DMKN: variants seen among roughly 807,000 people sequenced by gnomAD.
The protein encoded by DMKN is dermokine, also known as epidermis-specific secreted protein SK30/SK89.
In DMKN, 58 loss-of-function variants were observed where a neutral mutation model predicts 67.6. The ratio of observed to expected loss-of-function variants is 0.86; its 90% CI spans 0.69 to 1.07. The LOEUF (loss-of-function observed/expected upper bound fraction) is 1.07. DMKN is among the 50% of genes least tolerant of loss of function. DMKN has a pLI of 0.00. For synonymous variants in DMKN, 240 were observed against 232.3 expected (o/e 1.03, Z -0.30); for missense variants, 596 against 601.5 (o/e 0.99, Z 0.10).
Position 35,513,378 on chromosome 19 carries a change from G to C in DMKN, c.98C>G (p.Thr33Arg). 4 of 1,612,176 alleles carry C rather than the reference G, an allele frequency of 2.5e-6. No homozygotes were observed. Among genetic ancestry groups the C allele is most frequent in the Non-Finnish European group, 3.4e-6 (4 of 1,179,998 alleles). The change falls in exon 1 of 16, where the codon ACA becomes AGA. Residue 33 changes from threonine to arginine, a missense_variant. Thr to Arg is a moderately conservative substitution (Grantham distance 71). Coordinates refer to ENST00000339686, the MANE Select transcript of DMKN (RefSeq NM_033317.5). ...ATGTCCAAGGGCCTCCCCAATATTT[G>C]TCCCAGTGCTTTCCTCTCCGCTCTG... The part of the protein sequence containing the change: ...PLQSGEESTG[T>R]NIGEALGHGL...
At chr19:35,501,272 A>C (rs956217032) in intron 11 of DMKN, among the ~76,000 whole-genome samples, 2 of 152,196 alleles carry the variant, frequency 1.3e-5, no homozygotes, top group African/African-American at 4.8e-5. Context: ...TGCCTTATCC[A>C]TACCTGACCT....
Position 35,513,576 on chromosome 19 carries a change from C to T in DMKN, c.-101G>A, listed in dbSNP as rs1034719107. 3 of 1,407,604 alleles carry T rather than the reference C, an allele frequency of 2.1e-6. No homozygotes were observed. Among genetic ancestry groups the T allele is most frequent in the African/African-American group, 1.4e-5 (1 of 69,372 alleles). 87.2% of individuals were successfully genotyped at this position (1,407,604 alleles called of 1,614,324 possible). A position where few individuals can be genotyped will look rare whatever the true frequency, so the allele number is the denominator to read the frequency against. On this transcript the variant is annotated 5_prime_UTR_variant, in exon 1 of 16. Coordinates refer to ENST00000339686, the MANE Select transcript of DMKN (RefSeq NM_033317.5). ...CTCTGTGCCCTCCTCTGTCCTCCTC[C>T]TTCCGACTCCCTGTCCTCCCTCCCT...
At chr19:35,503,815 C>T (rs538346963) in intron 9 of DMKN, among the ~76,000 whole-genome samples, 2 of 152,236 alleles carry the variant, frequency 1.3e-5, no homozygotes, top group Non-Finnish European at 2.9e-5. Context: ...AATAGGAATT[C>T]CAGGGCATTG....
intron 11 of DMKN, chr19:35,501,927 C>G: frequency 6.4e-7 from 1 of 1,561,646 alleles, no homozygotes; most frequent in South Asian, 1.2e-5. Context: ...CCCCAGCCCT[C>G]GGCCTCGGCT....
intron 13 of DMKN, chr19:35,499,241 A>G: frequency 2.8e-6 from 1 of 353,048 alleles, no homozygotes; most frequent in Non-Finnish European, 5.2e-6. Flanking sequence ...GCAGAGTGGA[A>G]GCCACAGGCA....
chr19:35,506,271 TC>T, intron 7 of DMKN: 1 of 1,360,534 alleles, frequency 7.4e-7, no homozygotes, highest in Non-Finnish European at 9.7e-7. Context: ...GATTGCTTCA[TC>T]CCCACCTCGG....
chr19:35,510,671 A>G (rs2070590627), intron 5 of DMKN, among the ~76,000 whole-genome samples: 1 of 152,106 alleles, frequency 6.6e-6, no homozygotes, highest in South Asian at 2.1e-4. Flanking sequence ...TCATACGGGG[A>G]GCGGCGCATG....
intron 3 of DMKN, 106 bp from the exon 4 acceptor site, chr19:35,511,919 C>CT: frequency 7.7e-7 from 1 of 1,306,900 alleles, no homozygotes; most frequent in Non-Finnish European, 1.0e-6. Flanking sequence ...GCTTGGCTTC[C>CT]TTTCTCCTAA....
chr19:35,512,962 T>G, intron 1 of DMKN, 88 bp downstream of exon 1: 6 of 1,568,700 alleles, frequency 3.8e-6, no homozygotes, highest in African/African-American at 2.7e-5. Flanking sequence ...AAGTAAGAGA[T>G]CCATCCATCC....
intron 1 of DMKN, 126 bp from the exon 2 acceptor site, chr19:35,512,916 G>T: frequency 6.6e-7 from 1 of 1,510,296 alleles, no homozygotes. Context: ...ATAGGAGGGG[G>T]GCAGAACATA....
intron 10 of DMKN, among the ~76,000 whole-genome samples, chr19:35,502,611 G>A (rs1214009738): frequency 6.6e-6 from 1 of 152,146 alleles, no homozygotes; most frequent in Non-Finnish European, 1.5e-5. Flanking sequence ...GGCTGAGGCA[G>A]GAGAATGGCG....
At chr19:35,510,489 T>G in intron 5 of DMKN, 2 of 1,550,730 alleles carry the variant, frequency 1.3e-6, no homozygotes, top group Non-Finnish European at 1.7e-6. Context: ...GAACCTGAGC[T>G]GCTGCCCACC....
intron 13 of DMKN, 167 bp downstream of exon 13, chr19:35,499,791 C>G (rs1183070533): frequency 1.5e-6 from 1 of 660,944 alleles, no homozygotes; most frequent in Non-Finnish European, 2.6e-6. Context: ...TCCAAACTGT[C>G]TCAGGGAACC....
intron 2 of DMKN, 29 bp downstream of exon 2, chr19:35,512,561 G>T: frequency 6.2e-7 from 1 of 1,613,908 alleles, no homozygotes; most frequent in Non-Finnish European, 8.5e-7. Context: ...GAGGGAGGTG[G>T]CAGGTAGCAG....
intron 9 of DMKN, chr19:35,503,167 G>A: frequency 7.7e-7 from 1 of 1,294,542 alleles, no homozygotes; most frequent in Non-Finnish European, 1.0e-6. Context: ...CTCAAGACTA[G>A]GACCTGCCTC....
Position 35,513,068 on chromosome 19 carries a change from A to G in DMKN, c.408T>C (p.Pro136=). The change falls in exon 1 of 16, where the codon CCT becomes CCC. Residue 136 remains proline (P), a synonymous_variant. Transcript: ENST00000339686. ...DAVRGSWQGV[P]GHNGAWETSG... is the part of the protein sequence containing the mutation. Reference sequence around the variant, plus strand: ...CACTCACCCAAGCACCATTGTGGCCAGGCACCCCCTGCCAGGAGCCGCGGA... The same window carrying G: ...CACTCACCCAAGCACCATTGTGGCCGGGCACCCCCTGCCAGGAGCCGCGGA... 2 of 1,613,786 alleles carry G rather than the reference A, an allele frequency of 1.2e-6. No homozygotes were observed. Among genetic ancestry groups the G allele is most frequent in the Non-Finnish European group, 1.7e-6 (2 of 1,180,004 alleles).
intron 9 of DMKN, among the ~76,000 whole-genome samples, chr19:35,504,275 C>T (rs909051093): frequency 2.6e-5 from 4 of 152,116 alleles, no homozygotes; most frequent in African/African-American, 7.2e-5. Context: ...TACCAGAAAC[C>T]GTTCTCTGTG....
Position 35,505,803 on chromosome 19 carries a change from T to C in DMKN, c.1087-38A>G, listed in dbSNP as rs1486089968. On this transcript the variant is annotated intron_variant, in intron 8 of 15. Coordinates refer to ENST00000339686, the MANE Select transcript of DMKN (RefSeq NM_033317.5). ...CAAAAAGAAGAATGGCCAAATTGAG[T>C]CATAAGGTAATTGGCCGAGAGAGGT... 5 of 1,613,824 alleles carry C rather than the reference T, an allele frequency of 3.1e-6. No individual in the cohort carries two copies. The Admixed American group carries it at 8.3e-5, about 27-fold the overall frequency.
chr19:35,506,338 C>A, intron 7 of DMKN: 1 of 743,726 alleles, frequency 1.3e-6, no homozygotes, highest in Non-Finnish European at 2.2e-6. Context: ...TACACAGCAC[C>A]AAAAAGTTCA....
Sources: gnomAD v4.1 joint callset for allele counts (sites outside exome capture counted in the v4.1 genomes callset) on GRCh38, gnomAD v4.1.1 for gene constraint, MANE v1.5 for transcripts, NCBI Gene and HGNC (gene_info 2026-07-23, HGNC 2026-07-21) for gene names.